Variants in OPCML observed in about 807,000 individuals in gnomAD.
OPCML encodes the protein opioid binding protein/cell adhesion molecule like.
A neutral mutation model predicts 37.8 loss-of-function variants in OPCML; 13 were observed. That is an observed-to-expected ratio of 0.34 (90% confidence interval 0.22 to 0.55). OPCML has a LOEUF of 0.55. OPCML is among the 20% of genes least tolerant of loss of function. The pLI is 0.91. For missense variants in OPCML, 341 were observed against 435.6 expected, an observed-to-expected ratio of 0.78 and a Z score of 1.93; for synonymous variants, 176 against 168.8, an observed-to-expected ratio of 1.04 and a Z score of -0.33.
chr11:133,008,278 T>C, intron 1 of OPCML: 1 of 985,398 alleles, frequency 1.0e-6, no homozygotes, highest in Non-Finnish European at 1.2e-6. Flanking sequence ...CATAGAGAGT[T>C]GACAATCAAT....
intron 1 of OPCML, among the ~76,000 whole-genome samples, chr11:132,947,928 A>G (rs539261781): frequency 1.3e-5 from 2 of 152,338 alleles, no homozygotes; most frequent in South Asian, 4.1e-4. Flanking sequence ...CTCAAATTCA[A>G]TATGCTCCAG....
At chr11:132,755,906 C>T (rs138842887) in intron 2 of OPCML, among the ~76,000 whole-genome samples, 57 of 152,284 alleles carry the variant, frequency 3.7e-4, no homozygotes, top group Non-Finnish European at 3.1e-4. Flanking sequence ...GGCCTCGGAA[C>T]AGGTGTGCCA....
At chr11:133,083,403 G>A (rs1272949180) in intron 1 of OPCML, among the ~76,000 whole-genome samples, 1 of 152,126 alleles carries the variant, frequency 6.6e-6, no homozygotes, top group Admixed American at 6.5e-5. Context: ...GTCTCGGGTC[G>A]CTGGCTGCGG....
chr11:133,095,065 C>A (rs1025672840), intron 1 of OPCML, among the ~76,000 whole-genome samples: 3 of 151,806 alleles, frequency 2.0e-5, no homozygotes, highest in Non-Finnish European at 4.4e-5. Context: ...TCGAGAGATA[C>A]TGGAGCTCCA....
intron 2 of OPCML, among the ~76,000 whole-genome samples, chr11:132,762,235 G>A (rs1946289980): frequency 6.6e-6 from 1 of 152,204 alleles, no homozygotes; most frequent in Non-Finnish European, 1.5e-5. Flanking sequence ...TCTCCTGTAT[G>A]AGGTGTCTTT....
intron 2 of OPCML, among the ~76,000 whole-genome samples, chr11:132,768,774 G>T (rs1394131458): frequency 6.6e-6 from 1 of 152,044 alleles, no homozygotes; most frequent in Non-Finnish European, 1.5e-5. Flanking sequence ...TGCCAGCCAG[G>T]CCCCCAGCAA....
At chr11:132,950,103 C>T (rs1019905885) in intron 1 of OPCML, among the ~76,000 whole-genome samples, 3 of 152,174 alleles carry the variant, frequency 2.0e-5, no homozygotes, top group Non-Finnish European at 2.9e-5. Context: ...TTGAAGGTCA[C>T]AGTAACTGTT....
At chr11:133,341,104 T>G (rs960257136) in intron 1 of OPCML, among the ~76,000 whole-genome samples, 2 of 152,182 alleles carry the variant, frequency 1.3e-5, no homozygotes, top group Admixed American at 6.5e-5. Context: ...GCTGCGAGCT[T>G]CTTGTGGGAC....
intron 1 of OPCML, among the ~76,000 whole-genome samples, chr11:133,363,798 AG>A (rs1385153228): frequency 3.9e-5 from 6 of 152,140 alleles, no homozygotes; most frequent in African/African-American, 1.4e-4. Context: ...GCAAAAGAGG[AG>A]GCTCTCTCTA....
intron 2 of OPCML, among the ~76,000 whole-genome samples, chr11:132,780,963 T>C (rs2136149779): frequency 6.6e-6 from 1 of 152,232 alleles, no homozygotes; most frequent in South Asian, 2.1e-4. Flanking sequence ...CAATTTTCCC[T>C]ATTTATCTAT....
chr11:133,290,959 GT>G (rs1942456876), intron 1 of OPCML, among the ~76,000 whole-genome samples: 1 of 152,224 alleles, frequency 6.6e-6, no homozygotes, highest in Non-Finnish European at 1.5e-5. Flanking sequence ...GTCAAGGTGT[GT>G]TTTCAGACAT....
chr11:133,161,760 C>T (rs1002837577), intron 1 of OPCML, among the ~76,000 whole-genome samples: 1 of 151,986 alleles, frequency 6.6e-6, no homozygotes, highest in Non-Finnish European at 1.5e-5. Context: ...TATCTCCTAC[C>T]CTCAAGAAAC....
intron 3 of OPCML, among the ~76,000 whole-genome samples, chr11:132,587,696 G>C (rs898482296): frequency 2.0e-5 from 3 of 152,196 alleles, no homozygotes; most frequent in African/African-American, 7.2e-5. Context: ...ATAGGGCCAT[G>C]AGAATTCCAT....
chr11:132,738,089 G>A (rs888128175), intron 2 of OPCML, among the ~76,000 whole-genome samples: 2 of 152,178 alleles, frequency 1.3e-5, no homozygotes, highest in Non-Finnish European at 2.9e-5. Flanking sequence ...GAGGTAGGGA[G>A]CATGCACTGA....
In OPCML at chr11:133,357,938, G is replaced by A. The variant is rs554870347; in HGVS notation, c.61+174326C>T. On this transcript the variant is annotated intron_variant, in intron 1 of 7. Transcript: ENST00000524381. ...CTCCACTGTCCCCAGCCAACCTCCCGGGGAAGTCATCTGCACCCATGACTT... is the reference window on the plus strand; with the variant it reads ...CTCCACTGTCCCCAGCCAACCTCCCAGGGAAGTCATCTGCACCCATGACTT... 3.3e-5 allele frequency among the ~76,000 whole-genome samples: 5 copies of A among 152,108 alleles called. No individual in the cohort carries two copies. The South Asian group carries it at 8.3e-4, about 25-fold the overall frequency.
At chr11:132,788,162 A>T (rs1937642388) in intron 2 of OPCML, among the ~76,000 whole-genome samples, 1 of 152,152 alleles carries the variant, frequency 6.6e-6, no homozygotes, top group African/African-American at 2.4e-5. Context: ...TGCAGGCGTG[A>T]GCTACCGTGC....
chr11:132,988,061 CACA>C (rs1946710697), intron 1 of OPCML, among the ~76,000 whole-genome samples: 2 of 152,132 alleles, frequency 1.3e-5, no homozygotes, highest in African/African-American at 4.8e-5. Flanking sequence ...TTCAAGTAAC[CACA>C]ACAATAAAAC....
intron 2 of OPCML, among the ~76,000 whole-genome samples, chr11:132,834,240 C>A (rs755171936): frequency 5.3e-5 from 8 of 152,192 alleles, no homozygotes; most frequent in Admixed American, 1.3e-4. Flanking sequence ...TGGGATTCAA[C>A]TTTAACCTTT....
intron 3 of OPCML, among the ~76,000 whole-genome samples, chr11:132,616,047 A>T (rs898685092): frequency 6.6e-6 from 1 of 152,210 alleles, no homozygotes; most frequent in Non-Finnish European, 1.5e-5. Context: ...GGGCAAAAAA[A>T]GATACCTCAG....
Sources: gnomAD v4.1 joint callset for allele counts (sites outside exome capture counted in the v4.1 genomes callset) on GRCh38, gnomAD v4.1.1 for gene constraint, MANE v1.5 for transcripts, NCBI Gene and HGNC (gene_info 2026-07-23, HGNC 2026-07-21) for gene names.